PPP1R9A: variants seen among roughly 807,000 people sequenced by gnomAD.
PPP1R9A encodes neurabin-1.
Under a neutral mutation model 141.9 loss-of-function variants are expected in PPP1R9A, and 59 were observed. The observed-to-expected ratio is 0.42, with a 90% CI of 0.34 to 0.52. The LOEUF is 0.52. Ranked by LOEUF, PPP1R9A falls within the 20% of genes least tolerant of loss-of-function variation. The pLI is 0.10. For missense variants in PPP1R9A, 1,444 were observed against 1,611.9 expected (o/e 0.90, Z 1.78); for synonymous variants, 500 against 569.7 (o/e 0.88, Z 1.74).
At chr7:94,917,357 A>C (rs1191254541) in intron 2 of PPP1R9A, among the ~76,000 whole-genome samples, 2 of 152,116 alleles carry the variant, frequency 1.3e-5, no homozygotes, top group Non-Finnish European at 2.9e-5. Context: ...TCAGATGTTT[A>C]CTGGTATTTA....
At chr7:95,126,690 T>G (rs1823618310) in intron 4 of PPP1R9A, among the ~76,000 whole-genome samples, 1 of 152,194 alleles carries the variant, frequency 6.6e-6, no homozygotes, top group Non-Finnish European at 1.5e-5. Flanking sequence ...TCTTTTGTTT[T>G]TAACCACTGA....
chr7:95,161,960 G>A lies in PPP1R9A; in HGVS notation c.1743G>A (p.Lys581=), dbSNP rs1830519749. The change falls in exon 5 of 20, where the codon AAG becomes AAA. Residue 581 remains lysine (K), a synonymous_variant. Transcript: ENST00000433360. ...NFAATVLRNT[K]GNVRFVIGRE... is the part of the protein sequence containing the mutation. ...CAGCAACAGTTCTCAGAAACACCAA[G>A]GGCAACGTCAGGTAAATACGTGCCT... The A allele has an allele frequency of 1.9e-6, 3 of 1,606,244 alleles. No homozygotes were observed. In the African/African-American group the frequency reaches 4.0e-5, roughly 22 times the overall value.
chr7:95,216,237 G>T (rs1793384830), intron 7 of PPP1R9A, among the ~76,000 whole-genome samples: 1 of 152,104 alleles, frequency 6.6e-6, no homozygotes. Flanking sequence ...TTTCCCCATT[G>T]CTTGTTTTTG....
At chr7:95,130,631 A>G (rs1824415507) in intron 4 of PPP1R9A, among the ~76,000 whole-genome samples, 1 of 152,092 alleles carries the variant, frequency 6.6e-6, no homozygotes, top group Non-Finnish European at 1.5e-5. Context: ...AGCCACAGAC[A>G]CTTAACACCA....
intron 4 of PPP1R9A, among the ~76,000 whole-genome samples, chr7:95,138,251 T>C (rs577728886): frequency 6.6e-6 from 1 of 152,262 alleles, no homozygotes; most frequent in South Asian, 2.1e-4. Flanking sequence ...TCAATAAAAG[T>C]ACCATGATAA....
chr7:94,975,364 T>G (rs1457879847), intron 2 of PPP1R9A, among the ~76,000 whole-genome samples: 9 of 148,234 alleles, frequency 6.1e-5, no homozygotes, highest in South Asian at 4.3e-4. Context: ...TTGTTTTTTT[T>G]TTTTTTTTTT....
intron 2 of PPP1R9A, among the ~76,000 whole-genome samples, chr7:94,988,701 A>G (rs1377396043): frequency 6.6e-6 from 1 of 152,106 alleles, no homozygotes; most frequent in Non-Finnish European, 1.5e-5. Context: ...GAGTCAAAAT[A>G]TATGTTGAGA....
At chr7:95,105,058 C>G (rs565016401) in intron 2 of PPP1R9A, among the ~76,000 whole-genome samples, 1 of 152,334 alleles carries the variant, frequency 6.6e-6, no homozygotes, top group Non-Finnish European at 1.5e-5. Context: ...TTTACAGAAC[C>G]TGGACCATAG....
chr7:95,240,719 T>G (rs1797333319), intron 8 of PPP1R9A, among the ~76,000 whole-genome samples: 1 of 152,076 alleles, frequency 6.6e-6, no homozygotes, highest in African/African-American at 2.4e-5. Context: ...ATGTTTAGTC[T>G]TCTTACTCTT....
intron 2 of PPP1R9A, among the ~76,000 whole-genome samples, chr7:95,079,080 G>A (rs1033910856): frequency 1.3e-5 from 2 of 152,180 alleles, no homozygotes; most frequent in African/African-American, 4.8e-5. Context: ...GAATGGTAAT[G>A]CCTAGGTTTT....
intron 12 of PPP1R9A, 51 bp downstream of exon 12, chr7:95,252,181 C>T (rs1249174594): frequency 3.4e-6 from 5 of 1,464,838 alleles, no homozygotes; most frequent in Non-Finnish European, 4.5e-6. Context: ...TGTAATTTGG[C>T]CTTTTATTTT....
intron 2 of PPP1R9A, among the ~76,000 whole-genome samples, chr7:94,931,280 A>G (rs1474249350): frequency 6.6e-6 from 1 of 152,138 alleles, no homozygotes; most frequent in Non-Finnish European, 1.5e-5. Flanking sequence ...TGTTCTGGTA[A>G]CTCCTAAGTT....
In PPP1R9A at chr7:95,263,385, A is replaced by G. The variant is rs192572307; in HGVS notation, c.2666-5165A>G. Among the ~76,000 whole-genome samples the G allele has an allele frequency of 5.6e-3, 855 of 152,002 alleles. 4 individuals are homozygous for G. The highest frequency in any genetic ancestry group is 9.7e-3 in the Non-Finnish European group (657 of 67,980). ...AATACCTTCTTTGTAAGTAAGCACTATATCAGTAGGAAGTATATCTTTCCA... is the reference window on the plus strand; with the variant it reads ...AATACCTTCTTTGTAAGTAAGCACTGTATCAGTAGGAAGTATATCTTTCCA... On this transcript the variant is annotated intron_variant, in intron 12 of 19. Transcript: ENST00000433360.
chr7:94,945,470 C>T (rs898209593), intron 2 of PPP1R9A, among the ~76,000 whole-genome samples: 5 of 151,840 alleles, frequency 3.3e-5, no homozygotes, highest in African/African-American at 4.8e-5. Flanking sequence ...TGTGGATGTC[C>T]GGGTCATTGA....
At chr7:95,282,998 G>A (rs1176547864) in intron 16 of PPP1R9A, among the ~76,000 whole-genome samples, 1 of 152,208 alleles carries the variant, frequency 6.6e-6, no homozygotes, top group Non-Finnish European at 1.5e-5. Flanking sequence ...GACAGAAGTT[G>A]TCTGGCTGTG....
intron 5 of PPP1R9A, among the ~76,000 whole-genome samples, chr7:95,186,152 C>T (rs962151828): frequency 4.6e-5 from 7 of 152,022 alleles, no homozygotes; most frequent in African/African-American, 1.4e-4. Flanking sequence ...TCTACCAATC[C>T]GTGAGCATGG....
intron 2 of PPP1R9A, among the ~76,000 whole-genome samples, chr7:95,008,767 C>A (rs1193558744): frequency 6.6e-6 from 1 of 152,090 alleles, no homozygotes; most frequent in Non-Finnish European, 1.5e-5. Flanking sequence ...GTCACACCTA[C>A]CCCATTGAAG....
intron 16 of PPP1R9A, among the ~76,000 whole-genome samples, chr7:95,283,379 GAACTA>G (rs1193211794): frequency 1.3e-5 from 2 of 152,116 alleles, no homozygotes; most frequent in African/African-American, 4.8e-5. Context: ...TACAGATGGA[GAACTA>G]AAAGCCGAGA....
intron 2 of PPP1R9A, among the ~76,000 whole-genome samples, chr7:94,962,958 A>G (rs1797798024): frequency 6.6e-6 from 1 of 152,138 alleles, no homozygotes; most frequent in Admixed American, 6.5e-5. Flanking sequence ...CTTCCTGTTC[A>G]TACATGCTTT....
Sources: gnomAD v4.1 joint callset for allele counts (sites outside exome capture counted in the v4.1 genomes callset) on GRCh38, gnomAD v4.1.1 for gene constraint, MANE v1.5 for transcripts, NCBI Gene and HGNC (gene_info 2026-07-23, HGNC 2026-07-21) for gene names.